The following LY6S variants were observed in gnomAD, a reference collection of about 807,000 sequenced individuals.
The protein encoded by LY6S is lymphocyte antigen 6S.
At chr8:143,075,531 C>T in the LY6S span, among the ~76,000 whole-genome samples, 2 of 152,136 alleles carry the variant, frequency 1.3e-5, no homozygotes, top group South Asian at 2.1e-4. The surrounding 1 kb of genome is among the most constrained non-coding windows in gnomAD (Gnocchi z 4.1). Flanking sequence ...TGATGAAACC[C>T]CATCTCTACT....
chr8:143,052,144 G>A, the LY6S span, among the ~76,000 whole-genome samples: 3 of 151,586 alleles, frequency 2.0e-5, no homozygotes, highest in Non-Finnish European at 4.4e-5. Flanking sequence ...AGCCAGGCGT[G>A]GTGGCGGGCG....
At chr8:143,043,006 C>T in the LY6S span, 2 of 1,367,772 alleles carry the variant, frequency 1.5e-6, no homozygotes, top group Non-Finnish European at 9.8e-7. Context: ...GATCTCATGG[C>T]TGAAAAGCCA....
At chr8:143,041,412 G>A in the LY6S span, among the ~76,000 whole-genome samples, 1 of 152,206 alleles carries the variant, frequency 6.6e-6, no homozygotes, top group Non-Finnish European at 1.5e-5. Flanking sequence ...GGCAACCAGA[G>A]TTTAAGGTGA....
At chr8:143,064,661 G>A in the LY6S span, among the ~76,000 whole-genome samples, 3 of 152,166 alleles carry the variant, frequency 2.0e-5, no homozygotes, top group African/African-American at 7.2e-5. Flanking sequence ...GGCTTTCTGT[G>A]TCTGTGGGTA....
chr8:143,041,620 C>A, the LY6S span, among the ~76,000 whole-genome samples: 1 of 152,126 alleles, frequency 6.6e-6, no homozygotes. Context: ...TAGGAAATCA[C>A]AAGGGTATTG....
At chr8:143,054,199 G>A in the LY6S span, 1 of 151,678 alleles carries the variant, frequency 6.6e-6, no homozygotes, top group Non-Finnish European at 1.5e-5. Context: ...CCAGCTACTT[G>A]GGAGGCTGAG....
At chr8:143,046,956 G>T in the LY6S span, among the ~76,000 whole-genome samples, 1 of 151,938 alleles carries the variant, frequency 6.6e-6, no homozygotes, top group Non-Finnish European at 1.5e-5. Flanking sequence ...AGCCGTTATT[G>T]TGCCATTGTA....
the LY6S span, chr8:143,065,980 G>A: frequency 2.5e-4 from 85 of 333,918 alleles, no homozygotes; most frequent in Non-Finnish European, 2.9e-4. Context: ...GGGGGTGTTC[G>A]GTCCTTGTGG....
At chr8:143,065,734 C>CTTTCTTTTCTCTT in the LY6S span, among the ~76,000 whole-genome samples, 1 of 106,160 alleles carries the variant, frequency 9.4e-6, no homozygotes, top group East Asian at 2.8e-4. Flanking sequence ...CCCTTTCTTT[C>CTTTCTTTTCTCTT]TCTTTCTTTC....
chr8:143,047,607 C>A, the LY6S span: 1 of 152,300 alleles, frequency 6.6e-6, no homozygotes, highest in South Asian at 2.1e-4. Flanking sequence ...AGAGAAATCC[C>A]CCCTCCCAAC....
the LY6S span, among the ~76,000 whole-genome samples, chr8:143,041,565 C>T: frequency 6.6e-6 from 1 of 152,204 alleles, no homozygotes; most frequent in African/African-American, 2.4e-5. Context: ...TATACATCCT[C>T]CTCAGCTTAC....
the LY6S span, among the ~76,000 whole-genome samples, chr8:143,063,539 T>C: frequency 6.6e-6 from 1 of 152,348 alleles, no homozygotes; most frequent in East Asian, 1.9e-4. Flanking sequence ...TACCAAGGCA[T>C]ATGCAGCATT....
chr8:143,043,055 A>T, the LY6S span: 1 of 1,367,872 alleles, frequency 7.3e-7, no homozygotes, highest in South Asian at 1.1e-5. Context: ...AGCTCTTCAA[A>T]ACCAAGCAGC....
chr8:143,062,933 G>A, the LY6S span, among the ~76,000 whole-genome samples: 36 of 152,182 alleles, frequency 2.4e-4, no homozygotes, highest in African/African-American at 6.3e-4. Context: ...TATGAATCAC[G>A]TGTCAAGATT....
the LY6S span, among the ~76,000 whole-genome samples, chr8:143,069,133 C>G: frequency 2.0e-5 from 3 of 152,094 alleles, no homozygotes; most frequent in East Asian, 1.9e-4. Flanking sequence ...GCTCAAGGCT[C>G]TCTCTCATCT....
At chr8:143,058,133 G>A in the LY6S span, among the ~76,000 whole-genome samples, 2 of 152,086 alleles carry the variant, frequency 1.3e-5, no homozygotes, top group East Asian at 3.9e-4. Flanking sequence ...CACAAACAAG[G>A]GGTGTAGGGT....
the LY6S span, among the ~76,000 whole-genome samples, chr8:143,049,014 G>C: frequency 6.6e-6 from 1 of 152,086 alleles, no homozygotes; most frequent in Non-Finnish European, 1.5e-5. Context: ...AGCCAGCAGC[G>C]GGGGCCACCT....
the LY6S span, chr8:143,044,237 G>A: frequency 4.4e-6 from 2 of 456,242 alleles, no homozygotes; most frequent in East Asian, 1.4e-4. Flanking sequence ...TGGAGCTGGT[G>A]AGACCCGCGG....
chr8:143,061,354 T>C, the LY6S span, among the ~76,000 whole-genome samples: 1 of 152,146 alleles, frequency 6.6e-6, no homozygotes, highest in Non-Finnish European at 1.5e-5. Flanking sequence ...TAAAAGGATA[T>C]TTATAGTGAT....
Sources: allele counts gnomAD v4.1 joint callset (sites outside exome capture counted in the v4.1 genomes callset), GRCh38; gene constraint gnomAD v4.1.1; non-coding constraint Gnocchi (gnomAD v3.1); transcripts MANE v1.5; gene names NCBI Gene and HGNC (gene_info 2026-07-23, HGNC 2026-07-21).